Variants in AHNAK2 observed in about 807,000 individuals in gnomAD.
AHNAK2 encodes AHNAK nucleoprotein 2.
In AHNAK2, 18 loss-of-function variants were observed where a neutral mutation model predicts 30.7. The observed-to-expected ratio is 0.59, with a 90% CI of 0.41 to 0.87. The LOEUF (loss-of-function observed/expected upper bound fraction) is 0.87, where lower values mean the gene tolerates loss of function less well. AHNAK2 is among the 40% of genes least tolerant of loss of function. The probability of loss-of-function intolerance (pLI) is 0.00; values close to 1 mark genes in which losing one functional copy is unlikely to be tolerated. For synonymous variants in AHNAK2, 3,590 were observed against 3,073.8 expected (o/e 1.17, Z -5.56); for missense variants, 8,604 against 7,373.0 (o/e 1.17, Z -6.11).
Position 104,952,298 on chromosome 14 carries a change from A to C in AHNAK2, c.3153T>G (p.Ala1051=), listed in dbSNP as rs1566917897. ...CAGCCTGGACCTTCAGGTCAGTAGA[A>C]GCAGGCTGAATGCTGAGGTCAGTGG... ...LKTTDLSIQP[A]STDLKVQADQ... Residue 1051 remains alanine (A), a synonymous_variant, in exon 7 of 7, where the codon GCT becomes GCG. Coordinates refer to ENST00000333244, the MANE Select transcript of AHNAK2 (RefSeq NM_138420.4). 4 of 1,612,208 alleles carry C rather than the reference A, an allele frequency of 2.5e-6. No homozygotes were observed. Among genetic ancestry groups the C allele is most frequent in the Non-Finnish European group, 2.5e-6 (3 of 1,179,492 alleles).
intron 1 of AHNAK2, among the ~76,000 whole-genome samples, chr14:104,969,594 G>T (rs1240836569): frequency 2.6e-5 from 4 of 152,242 alleles, no homozygotes; most frequent in Non-Finnish European, 4.4e-5. Flanking sequence ...TGCAGGCAGT[G>T]CATGGGAAAA....
In AHNAK2 at chr14:104,940,130, G is replaced by A. The variant is rs1390002563; in HGVS notation, c.15321C>T (p.Ser5107=). 1 of 1,613,228 alleles carries A rather than the reference G, an allele frequency of 6.2e-7. No homozygotes were observed. The highest frequency in any genetic ancestry group is 1.3e-5 in the African/African-American group (1 of 74,928). The change falls in exon 7 of 7, where the codon TCC becomes TCT. Residue 5107 remains serine, a synonymous_variant. Transcript: ENST00000333244. The surrounding 1 kb of genome is among the most constrained non-coding windows in gnomAD (Gnocchi z 4.4). ...GCTGGCTCACCTCCACCTTGGCCTT[G>A]GAGGATCTGAGATCAGGTTTGGCAA... The part of the protein sequence containing the change: ...LGFAKPDLRS[S]KAKVEVSQPE...
chr14:104,941,560 G>C lies in AHNAK2; in HGVS notation c.13891C>G (p.Pro4631Ala). 1 of 1,613,128 alleles carries C rather than the reference G, an allele frequency of 6.2e-7. No homozygotes were observed. The highest frequency in any genetic ancestry group is 8.5e-7 in the Non-Finnish European group (1 of 1,179,888). The change falls in exon 7 of 7, where the codon CCA becomes GCA. Residue 4631 changes from proline (P) to alanine (A), a missense_variant. Physicochemically the swap from Pro to Ala is conservative, Grantham distance 27. Coordinates refer to ENST00000333244, the MANE Select transcript of AHNAK2 (RefSeq NM_138420.4). ...VAGKDSKFQG[P>A]KLSTSGFEWS... The stretch of plus-strand genomic sequence containing the variant: ...TCAAAACCAGACGTGCTCAGTTTTG[G>C]TCCTTGAAACTTACTGTCTTTCCCA...
Position 104,952,394 on chromosome 14 carries a change from G to T in AHNAK2, c.3057C>A (p.Ala1019=). Residue 1019 remains alanine, a synonymous_variant, in exon 7 of 7, where the codon GCC becomes GCA. Transcript: ENST00000333244. The part of the protein sequence containing the change: ...GVSAPGKSIK[A]LVDVSAPKVE... Reference sequence around the variant, plus strand: ...CCTTGGGTGCAGACACATCCACCAAGGCCTTGATGGACTTCCCTGGGGCCG... The same window carrying T: ...CCTTGGGTGCAGACACATCCACCAATGCCTTGATGGACTTCCCTGGGGCCG... 1 of 1,612,760 alleles carries T rather than the reference G, an allele frequency of 6.2e-7. No individual in the cohort carries two copies. Among genetic ancestry groups the T allele is most frequent in the African/African-American group, 1.3e-5 (1 of 74,410 alleles).
chr14:104,941,780 G>A lies in AHNAK2; in HGVS notation c.13671C>T (p.Pro4557=). 1 of 1,613,660 alleles carries A rather than the reference G, an allele frequency of 6.2e-7. No individual in the cohort carries two copies. Among genetic ancestry groups the A allele is most frequent in the Non-Finnish European group, 8.5e-7 (1 of 1,179,802 alleles). Residue 4557 remains proline, a synonymous_variant, in exon 7 of 7, where the codon CCC becomes CCT. Coordinates refer to ENST00000333244, the MANE Select transcript of AHNAK2 (RefSeq NM_138420.4). ...PKVEMPSFKM[P]KVDLKGPQVD... ...CCTGGGGGCCCTTGAGGTCCACTTT[G>A]GGCATCTTGAAACTGGGCATCTCCA...
rs771111067 is a variant in AHNAK2, at chr14:104,939,777, CCT to C, written c.15672_15673del (p.Gly5226Ter). 9.9e-6 allele frequency: 16 copies of C among 1,613,672 alleles called. No individual in the cohort carries two copies. The highest frequency in any genetic ancestry group is 2.7e-5 in the African/African-American group (2 of 74,946). ...TTTGACTTTAGCTGCTGCTTCACCC[CCT>C]GTTGCTGCCGGTGCCTGTGTCTGAG... On this transcript the variant is annotated frameshift_variant, in exon 7 of 7. Transcript: ENST00000333244. LOFTEE classifies it low-confidence loss of function (END_TRUNC).
In AHNAK2 at chr14:104,938,311, T is replaced by C. The variant is rs1897872411; in HGVS notation, c.17140A>G (p.Ser5714Gly). 3.7e-6 allele frequency: 6 copies of C among 1,613,854 alleles called. No homozygotes were observed. Among genetic ancestry groups the C allele is most frequent in the African/African-American group, 1.3e-5 (1 of 74,934 alleles). ...FSSSPTKKSK[S>G]TEDGAELEEQ... Reference sequence around the variant, plus strand: ...TCCAGCTCTGCCCCATCTTCGGTGCTTTTGCTTTTCTTGGTAGGAGATGAG... The same window carrying C: ...TCCAGCTCTGCCCCATCTTCGGTGCCTTTGCTTTTCTTGGTAGGAGATGAG... Residue 5714 changes from serine (S) to glycine (G), a missense_variant, in exon 7 of 7, where the codon AGC (serine) becomes GGC (glycine). Transcript: ENST00000333244.
At position 104,939,947 on chromosome 14, in the gene AHNAK2, A is replaced by G; in HGVS notation, c.15504T>C (p.Ala5168=). 4 of 1,612,102 alleles carry G rather than the reference A, an allele frequency of 2.5e-6. No homozygotes were observed. Among genetic ancestry groups the G allele is most frequent in the Non-Finnish European group, 3.4e-6 (4 of 1,179,874 alleles). ...PLQPSCRKPD[A]EVLTVESPEE... is the part of the protein sequence containing the mutation. ...CTGGGCTTTCCACTGTGAGGACTTC[A>G]GCATCTGGTTTTCTACAGGATGGCT... Residue 5168 remains alanine, a synonymous_variant, in exon 7 of 7, where the codon GCT becomes GCC. Coordinates refer to ENST00000333244, the MANE Select transcript of AHNAK2 (RefSeq NM_138420.4).
rs1435715914 is a variant in AHNAK2 at position 104,953,083 on chromosome 14, G to T, written c.2368C>A (p.Pro790Thr). Reference sequence around the variant, plus strand: ...CTGGACAGAGACATCTTCACATCGGGGGCTGTCACTTCCGCCTTGGGGCCT... The same window carrying T: ...CTGGACAGAGACATCTTCACATCGGTGGCTGTCACTTCCGCCTTGGGGCCT... ...LKGPKAEVTA[P>T]DVKMSLSSME... Residue 790 changes from proline to threonine, a missense_variant, in exon 7 of 7, where the codon CCC becomes ACC. Coordinates refer to ENST00000333244, the MANE Select transcript of AHNAK2 (RefSeq NM_138420.4). 6.8e-6 allele frequency: 11 copies of T among 1,613,204 alleles called. No homozygotes were observed. Among genetic ancestry groups the T allele is most frequent in the Non-Finnish European group, 9.3e-6 (11 of 1,179,748 alleles).
At position 104,966,336 on chromosome 14, in the gene AHNAK2, C is replaced by A. The variant is rs755258849; in HGVS notation, c.56-8664G>T. Among the ~76,000 whole-genome samples, 5 of 152,114 alleles carry A rather than the reference C, an allele frequency of 3.3e-5. No homozygotes were observed. Among genetic ancestry groups the A allele is most frequent in the African/African-American group, 1.2e-4 (5 of 41,402 alleles). The stretch of plus-strand genomic sequence containing the variant: ...CCACCTGCCAAACCAGCCTTGCCCA[C>A]GGTGTCAGCCCAAGAATTGTACCCC... On this transcript the variant is annotated intron_variant, in intron 1 of 6. Transcript: ENST00000333244. The surrounding 1 kb of genome is among the most constrained non-coding windows in gnomAD (Gnocchi z 4.3).
rs1566909846 is a variant in AHNAK2, at chr14:104,948,478, T to A, written c.6973A>T (p.Met2325Leu). Residue 2325 changes from methionine (M) to leucine (L), a missense_variant, in exon 7 of 7, where the codon ATG becomes TTG. Coordinates refer to ENST00000333244, the MANE Select transcript of AHNAK2 (RefSeq NM_138420.4). ...DSKFKMPKFK[M>L]LSFGVSALGK... is the part of the protein sequence containing the mutation. Reference sequence around the variant, plus strand: ...AGGGCAGACACCCCAAACGACAGCATCTTGAACTTGGGCATTTTGAACTTG... The same window carrying A: ...AGGGCAGACACCCCAAACGACAGCAACTTGAACTTGGGCATTTTGAACTTG... The A allele has an allele frequency of 6.2e-7, 1 of 1,610,330 alleles. No homozygotes were observed. Among genetic ancestry groups the A allele is most frequent in the East Asian group, 2.2e-5 (1 of 44,550 alleles).
At position 104,947,073 on chromosome 14, in the gene AHNAK2, G is replaced by C. The variant is rs200269269; in HGVS notation, c.8378C>G (p.Ala2793Gly). Residue 2793 changes from alanine to glycine, a missense_variant, in exon 7 of 7, where the codon GCG becomes GGG. Transcript: ENST00000333244. ...CAGGGACAGGTCCCCCTCCAGCCGC[G>C]CACCATCCAGCTTTGCTCTCGGGGC... is the stretch of plus-strand genomic sequence containing the variant. ...VQAPRAKLDG[A>G]RLEGDLSLAD... is the part of the protein sequence containing the mutation. The C allele has an allele frequency of 8.7e-6, 14 of 1,612,250 alleles. No individual in the cohort carries two copies. The highest frequency in any genetic ancestry group is 1.7e-4 in the Middle Eastern group (1 of 6,054).
chr14:104,966,241 C>T lies in AHNAK2; in HGVS notation c.56-8569G>A, dbSNP rs79408381. On this transcript the variant is annotated intron_variant, in intron 1 of 6. Coordinates refer to ENST00000333244, the MANE Select transcript of AHNAK2 (RefSeq NM_138420.4). This position sits in a 1 kb window ranked among gnomAD's most constrained non-coding sequence, Gnocchi z 4.3. ...TCATCCCGGCCCCGCCACCTTCCTA[C>T]TGCTCCGGGGGCCAGGCCCAGACCC... is the stretch of plus-strand genomic sequence containing the variant. Among the ~76,000 whole-genome samples, 650 of 152,264 alleles carry T rather than the reference C, an allele frequency of 4.3e-3. 1 individual carries two copies. The highest frequency in any genetic ancestry group is 0.015 in the African/African-American group (637 of 41,544).
chr14:104,961,012 TC>T (rs1356685793), intron 1 of AHNAK2, among the ~76,000 whole-genome samples: 1 of 151,576 alleles, frequency 6.6e-6, no homozygotes, highest in African/African-American at 2.4e-5. Context: ...ACGTCTGTAA[TC>T]CCAGCTACTC....
intron 1 of AHNAK2, among the ~76,000 whole-genome samples, chr14:104,971,938 C>A (rs556812599): frequency 6.6e-6 from 1 of 152,380 alleles, no homozygotes; most frequent in Non-Finnish European, 1.5e-5. Context: ...AGCGATGGAA[C>A]GGCTTGCACC....
At chr14:104,969,588 G>A (rs779014965) in intron 1 of AHNAK2, among the ~76,000 whole-genome samples, 30 of 152,238 alleles carry the variant, frequency 2.0e-4, no homozygotes, top group Non-Finnish European at 3.8e-4. Context: ...TGCTAGTGCA[G>A]GCAGTGCATG....
At position 104,939,651 on chromosome 14, in the gene AHNAK2, T is replaced by C. The variant is rs1434109264; in HGVS notation, c.15800A>G (p.Asp5267Gly). 2 of 1,613,728 alleles carry C rather than the reference T, an allele frequency of 1.2e-6. No individual in the cohort carries two copies. Among genetic ancestry groups the C allele is most frequent in the African/African-American group, 1.3e-5 (1 of 74,932 alleles). The change falls in exon 7 of 7, where the codon GAT becomes GGT. Residue 5267 changes from aspartate to glycine, a missense_variant. Asp to Gly is a moderately conservative substitution (Grantham distance 94). Coordinates refer to ENST00000333244, the MANE Select transcript of AHNAK2 (RefSeq NM_138420.4). ...GCTGTCAAGATCACACCTTAGAATA[T>C]CTGTGGATGATTTGCTCTCAGAAGC... is the stretch of plus-strand genomic sequence containing the variant. ...VTASESKSST[D>G]ILRCDLDSTG...
chr14:104,945,521 C>A lies in AHNAK2; in HGVS notation c.9930G>T (p.Met3310Ile), dbSNP rs370097143. 3 of 1,612,862 alleles carry A rather than the reference C, an allele frequency of 1.9e-6. No homozygotes were observed. The highest frequency in any genetic ancestry group is 2.2e-5 in the East Asian group (1 of 44,746). Residue 3310 changes from methionine to isoleucine, a missense_variant, in exon 7 of 7, where the codon ATG (methionine) becomes ATT (isoleucine). Coordinates refer to ENST00000333244, the MANE Select transcript of AHNAK2 (RefSeq NM_138420.4). ...TGTACGACGGCATCTTGAATTTGGG[C>A]ATTTTGAACTTGCTGTCTTTGGCAG... ...DVTAKDSKFK[M>I]PKFKMPSYRA...
At chr14:104,969,226 G>A (rs1899402579) in intron 1 of AHNAK2, among the ~76,000 whole-genome samples, 1 of 152,334 alleles carries the variant, frequency 6.6e-6, no homozygotes, top group African/African-American at 2.4e-5. Flanking sequence ...CCATCCAGCA[G>A]CCATTCCCCA....
Sources: gnomAD v4.1 joint callset for allele counts (sites outside exome capture counted in the v4.1 genomes callset) on GRCh38, gnomAD v4.1.1 for gene constraint, Gnocchi (gnomAD v3.1) non-coding constraint, MANE v1.5 for transcripts, NCBI Gene and HGNC (gene_info 2026-07-23, HGNC 2026-07-21) for gene names.